The following TRDN variants were observed in gnomAD, a reference collection of about 807,000 sequenced individuals.
The protein encoded by TRDN is triadin.
Under a neutral mutation model 149.7 loss-of-function variants are expected in TRDN, and 161 were observed. That is an observed-to-expected ratio of 1.08 (90% CI 0.95 to 1.23). TRDN has a LOEUF of 1.23. Ranked by LOEUF, TRDN falls within the 50% of genes most tolerant of loss-of-function variation. The pLI is 0.00. For missense variants in TRDN, 896 were observed against 823.5 expected (o/e 1.09, Z -1.08); for synonymous variants, 294 against 250.5 (o/e 1.17, Z -1.64).
intron 1 of TRDN, among the ~76,000 whole-genome samples, chr6:123,574,070 A>G (rs1186037923): frequency 6.6e-6 from 1 of 152,048 alleles, no homozygotes; most frequent in Non-Finnish European, 1.5e-5. Flanking sequence ...ACATACTAAC[A>G]GGTGGTAACC....
intron 1 of TRDN, among the ~76,000 whole-genome samples, chr6:123,592,151 C>T (rs1322171967): frequency 1.3e-5 from 2 of 152,162 alleles, no homozygotes; most frequent in Non-Finnish European, 2.9e-5. Context: ...AGAAATGCCA[C>T]TCATTGGCAA....
chr6:123,372,498 G>C (rs1562282754), intron 19 of TRDN, among the ~76,000 whole-genome samples: 1 of 151,980 alleles, frequency 6.6e-6, no homozygotes, highest in East Asian at 1.9e-4. Flanking sequence ...CCTGGGCTTT[G>C]GTGGCTATTT....
intron 1 of TRDN, among the ~76,000 whole-genome samples, chr6:123,623,192 T>G (rs940597748): frequency 7.9e-5 from 12 of 152,020 alleles, no homozygotes; most frequent in African/African-American, 2.9e-4. Context: ...CCCTTTCTAT[T>G]ATAGAATTAT....
chr6:123,371,859 C>T (rs138804026), intron 19 of TRDN, among the ~76,000 whole-genome samples: 57 of 152,226 alleles, frequency 3.7e-4, no homozygotes, highest in African/African-American at 1.3e-3. Context: ...ATAAAATCAT[C>T]ACTCTAGTGC....
intron 31 of TRDN, among the ~76,000 whole-genome samples, chr6:123,268,353 T>A (rs7744269): frequency 0.45 from 68,985 of 151,774 alleles, 16,521 homozygotes; most frequent in Admixed American, 0.57. Context: ...CAAAAAGAAA[T>A]AAAAATGTAT....
rs1772903088 is a variant in TRDN at position 123,400,170 on chromosome 6, T to TATATATAC, written c.1052-6494_1052-6493insGTATATAT. The stretch of plus-strand genomic sequence containing the variant: ...TTGACATAAAGAATATGTATGTGTA[T>TATATATAC]ATATATATATATATATATAAACACA... On this transcript the variant is annotated intron_variant, in intron 12 of 40. Coordinates refer to ENST00000334268, the MANE Select transcript of TRDN (RefSeq NM_006073.4). Among the ~76,000 whole-genome samples, 12 of 144,814 alleles carry TATATATAC rather than the reference T, an allele frequency of 8.3e-5. No individual in the cohort carries two copies. The South Asian group carries it at 2.6e-3, about 31-fold the overall frequency.
At chr6:123,285,955 A>G (rs2114640973) in intron 24 of TRDN, among the ~76,000 whole-genome samples, 1 of 152,296 alleles carries the variant, frequency 6.6e-6, no homozygotes. Flanking sequence ...AGGGAAACAC[A>G]AATCAAAACC....
intron 13 of TRDN, among the ~76,000 whole-genome samples, chr6:123,388,752 G>A (rs1782000139): frequency 6.6e-6 from 1 of 151,972 alleles, no homozygotes; most frequent in African/African-American, 2.4e-5. Flanking sequence ...ATAAGCATTA[G>A]CAAAAGAAGA....
At chr6:123,534,887 A>G (rs2114363628) in intron 4 of TRDN, among the ~76,000 whole-genome samples, 1 of 152,270 alleles carries the variant, frequency 6.6e-6, no homozygotes, top group South Asian at 2.1e-4. Context: ...AAACCTGGAT[A>G]CAAGAGACTT....
intron 10 of TRDN, among the ~76,000 whole-genome samples, chr6:123,461,225 A>G (rs1039615817): frequency 5.9e-5 from 9 of 152,184 alleles, no homozygotes; most frequent in Non-Finnish European, 1.3e-4. Flanking sequence ...GTCAAAGACC[A>G]TGCAACTCAT....
chr6:123,307,572 C>T (rs1407716781), intron 24 of TRDN, among the ~76,000 whole-genome samples: 1 of 151,792 alleles, frequency 6.6e-6, no homozygotes, highest in Non-Finnish European at 1.5e-5. Context: ...TTTCTGTTTC[C>T]ACCACTCTAC....
intron 7 of TRDN, among the ~76,000 whole-genome samples, chr6:123,512,064 G>C (rs1409843069): frequency 6.6e-6 from 1 of 151,456 alleles, no homozygotes; most frequent in Non-Finnish European, 1.5e-5. Flanking sequence ...GGGTTATGGG[G>C]CTCAAAATTC....
At chr6:123,459,318 A>G (rs957017522) in intron 10 of TRDN, among the ~76,000 whole-genome samples, 1 of 152,184 alleles carries the variant, frequency 6.6e-6, no homozygotes, top group Non-Finnish European at 1.5e-5. Flanking sequence ...ACATCCAGAG[A>G]TAATACAGTA....
At chr6:123,318,562 T>C (rs1189203691) in intron 23 of TRDN, among the ~76,000 whole-genome samples, 1 of 152,024 alleles carries the variant, frequency 6.6e-6, no homozygotes, top group East Asian at 1.9e-4. Flanking sequence ...GTATGGCTAA[T>C]TTGAATATTT....
At chr6:123,582,073 G>C (rs185335334) in intron 1 of TRDN, among the ~76,000 whole-genome samples, 31 of 152,266 alleles carry the variant, frequency 2.0e-4, no homozygotes, top group Middle Eastern at 3.4e-3. Flanking sequence ...GTTACAGCTT[G>C]ATTTTACACA....
chr6:123,511,077 TC>T (rs1473776181), intron 7 of TRDN, among the ~76,000 whole-genome samples: 2 of 152,192 alleles, frequency 1.3e-5, no homozygotes, highest in Non-Finnish European at 2.9e-5. Context: ...CTAAAGTGTT[TC>T]CCCAATGTTT....
intron 1 of TRDN, among the ~76,000 whole-genome samples, chr6:123,588,001 C>A (rs559306584): frequency 2.6e-5 from 4 of 152,168 alleles, no homozygotes; most frequent in Admixed American, 1.3e-4. Context: ...GGCTCAGAGG[C>A]CTGACAATGG....
intron 1 of TRDN, among the ~76,000 whole-genome samples, chr6:123,588,067 A>C (rs765828235): frequency 4.6e-5 from 7 of 152,128 alleles, no homozygotes; most frequent in Non-Finnish European, 7.4e-5. Flanking sequence ...TTCAGAGAGA[A>C]TAGATGGCAA....
chr6:123,322,589 CCT>C (rs909300066), intron 23 of TRDN, among the ~76,000 whole-genome samples: 1 of 149,892 alleles, frequency 6.7e-6, no homozygotes, highest in East Asian at 1.9e-4. Context: ...TCACTTTTCC[CCT>C]GTCCCAGCTC....
Sources: allele counts gnomAD v4.1 joint callset (sites outside exome capture counted in the v4.1 genomes callset), GRCh38; gene constraint gnomAD v4.1.1; transcripts MANE v1.5; gene names NCBI Gene and HGNC (gene_info 2026-07-23, HGNC 2026-07-21).